The following DOCK9 variants were observed in gnomAD, a reference collection of about 807,000 sequenced individuals.
DOCK9 encodes the protein dedicator of cytokinesis 9.
A neutral mutation model predicts 263.3 loss-of-function variants in DOCK9; 89 were observed. The observed-to-expected ratio is 0.34, with a 90% confidence interval of 0.28 to 0.40. The LOEUF is 0.40. Ranked by LOEUF, DOCK9 falls within the 10% of genes least tolerant of loss-of-function variation. The pLI is 1.00. For missense variants in DOCK9, 2,140 were observed against 2,603.4 expected (o/e 0.82, Z 3.87); for synonymous variants, 976 against 973.1 (o/e 1.00, Z -0.06).
chr13:98,860,320 A>G (rs2093823506), intron 33 of DOCK9, 85 bp downstream of exon 33: 1 of 1,539,538 alleles, frequency 6.5e-7, no homozygotes, highest in Non-Finnish European at 8.8e-7. Flanking sequence ...CCTACCACAC[A>G]AGTGTGACAC....
At chr13:98,911,310 A>T (rs192549573) in intron 9 of DOCK9, among the ~76,000 whole-genome samples, 4,998 of 152,334 alleles carry the variant, frequency 0.033, 127 homozygotes, top group Middle Eastern at 0.092. Flanking sequence ...CCTGGTAAGA[A>T]ATGTTTCAAA....
At chr13:98,849,838 G>A (rs1303673748) in intron 36 of DOCK9, among the ~76,000 whole-genome samples, 2 of 152,110 alleles carry the variant, frequency 1.3e-5, no homozygotes, top group African/African-American at 4.8e-5. Flanking sequence ...AAACAGGCAC[G>A]TATCTGTAAT....
intron 15 of DOCK9, among the ~76,000 whole-genome samples, chr13:98,890,927 C>T (rs1223157963): frequency 6.6e-6 from 1 of 152,172 alleles, no homozygotes; most frequent in Non-Finnish European, 1.5e-5. Flanking sequence ...TTTAAATGAA[C>T]AGTTCCTGAA....
At chr13:98,892,745 T>G (rs541124070) in intron 15 of DOCK9, among the ~76,000 whole-genome samples, 12 of 152,056 alleles carry the variant, frequency 7.9e-5, no homozygotes, top group African/African-American at 2.9e-4. Flanking sequence ...TTTCACAGAG[T>G]ATGTACAAAC....
intron 45 of DOCK9, among the ~76,000 whole-genome samples, chr13:98,819,350 T>C (rs1229061821): frequency 6.6e-6 from 1 of 152,188 alleles, no homozygotes; most frequent in Non-Finnish European, 1.5e-5. Context: ...ATGGAATTCA[T>C]CAACATATGT....
intron 9 of DOCK9, among the ~76,000 whole-genome samples, chr13:98,907,591 T>G (rs2049317742): frequency 6.6e-6 from 1 of 152,226 alleles, no homozygotes; most frequent in South Asian, 2.1e-4. Flanking sequence ...CATCATTTAT[T>G]GGAAAAGAAG....
chr13:98,991,723 G>C (rs1327403858), intron 1 of DOCK9, among the ~76,000 whole-genome samples: 1 of 151,610 alleles, frequency 6.6e-6, no homozygotes, highest in African/African-American at 2.4e-5. Flanking sequence ...ATTTTTAGTG[G>C]AAAGTGTTGG....
chr13:98,873,736 A>C (rs1394535780), intron 27 of DOCK9, among the ~76,000 whole-genome samples: 1 of 152,226 alleles, frequency 6.6e-6, no homozygotes, highest in Non-Finnish European at 1.5e-5. Context: ...GTGGAACAGA[A>C]GCCTCTTATG....
intron 7 of DOCK9, among the ~76,000 whole-genome samples, chr13:98,920,090 A>T (rs912342705): frequency 6.6e-6 from 1 of 152,180 alleles, no homozygotes; most frequent in African/African-American, 2.4e-5. Context: ...CTCTCTTCCA[A>T]AGACAATGCT....
At chr13:98,971,836 C>A (rs1017696285) in intron 1 of DOCK9, among the ~76,000 whole-genome samples, 1 of 152,200 alleles carries the variant, frequency 6.6e-6, no homozygotes, top group Non-Finnish European at 1.5e-5. Context: ...TGACTCCTGA[C>A]GGCAGCTCTA....
chr13:98,803,413 G>A (rs146656572), intron 49 of DOCK9, among the ~76,000 whole-genome samples: 33 of 152,322 alleles, frequency 2.2e-4, no homozygotes, highest in African/African-American at 7.9e-4. Flanking sequence ...ATTAAAGGCA[G>A]CAGTTCTCTA....
At chr13:98,855,367 T>A (rs1463539431) in intron 34 of DOCK9, among the ~76,000 whole-genome samples, 1 of 151,772 alleles carries the variant, frequency 6.6e-6, no homozygotes, top group African/African-American at 2.4e-5. Flanking sequence ...AGGTCAGGAG[T>A]TTGAGCCCAG....
At chr13:99,003,295 C>T in intron 1 of DOCK9, among the ~76,000 whole-genome samples, 1 of 152,150 alleles carries the variant, frequency 6.6e-6, no homozygotes, top group East Asian at 1.9e-4. Flanking sequence ...ATTCTGTTTC[C>T]AGATGCACAG....
At chr13:98,816,224 C>CGA (rs2091835094) in intron 45 of DOCK9, among the ~76,000 whole-genome samples, 1 of 152,046 alleles carries the variant, frequency 6.6e-6, no homozygotes, top group Admixed American at 6.6e-5. Context: ...GTCTATTAGG[C>CGA]TATGTGTCAT....
intron 37 of DOCK9, chr13:98,846,597 G>T (rs771291186): frequency 7.4e-7 from 1 of 1,343,910 alleles, no homozygotes; most frequent in Non-Finnish European, 9.9e-7. Context: ...GAGTGATTTG[G>T]GTTAGCAATC....
chr13:99,026,382 C>T (rs998579343), intron 1 of DOCK9, among the ~76,000 whole-genome samples: 12 of 152,280 alleles, frequency 7.9e-5, no homozygotes, highest in African/African-American at 2.9e-4. Context: ...AATTTCAATA[C>T]CGTTATCTTT....
At chr13:99,045,803 A>C (rs1273921983) in intron 1 of DOCK9, among the ~76,000 whole-genome samples, 1 of 151,988 alleles carries the variant, frequency 6.6e-6, no homozygotes, top group Non-Finnish European at 1.5e-5. Flanking sequence ...CAAAACAAAA[A>C]AAACAGCAGC....
At chr13:98,928,429 A>G (rs2053391231) in intron 3 of DOCK9, among the ~76,000 whole-genome samples, 1 of 152,330 alleles carries the variant, frequency 6.6e-6, no homozygotes, top group South Asian at 2.1e-4. Context: ...AAGGGTCCCA[A>G]AAGTGTTTAG....
chr13:99,032,716 TG>T (rs1414003739), intron 1 of DOCK9, among the ~76,000 whole-genome samples: 1 of 152,122 alleles, frequency 6.6e-6, no homozygotes, highest in African/African-American at 2.4e-5. Flanking sequence ...GTTGGTGTTT[TG>T]TAGCTTTCCA....
Sources: gnomAD v4.1 joint callset for allele counts (sites outside exome capture counted in the v4.1 genomes callset) on GRCh38, gnomAD v4.1.1 for gene constraint, MANE v1.5 for transcripts, NCBI Gene and HGNC (gene_info 2026-07-23, HGNC 2026-07-21) for gene names.